TTBK1: variants seen among roughly 807,000 people sequenced by gnomAD.
TTBK1 encodes the protein tau tubulin kinase 1, also known as tau-tubulin kinase 1.
A neutral mutation model predicts 108.5 loss-of-function variants in TTBK1; 34 were observed. The ratio of observed to expected loss-of-function variants is 0.31; its 90% confidence interval spans 0.24 to 0.42. TTBK1 has a LOEUF of 0.42. Among genes scored for constraint, TTBK1 ranks in the 10% least tolerant of loss-of-function variants. The pLI, the probability that TTBK1 is intolerant of heterozygous loss-of-function variation, is 1.00. For synonymous variants in TTBK1, 809 were observed against 795.1 expected (o/e 1.02, Z -0.29); for missense variants, 1,539 against 1,826.0 (o/e 0.84, Z 2.86).
At chr6:43,250,606 AC>A (rs948529235) in intron 2 of TTBK1, among the ~76,000 whole-genome samples, 5 of 152,100 alleles carry the variant, frequency 3.3e-5, no homozygotes, top group African/African-American at 1.2e-4. Flanking sequence ...TGATCCACCC[AC>A]TTCAGCCTCC....
intron 13 of TTBK1, chr6:43,271,853 T>A: frequency 2.0e-6 from 2 of 985,002 alleles, no homozygotes; most frequent in Non-Finnish European, 2.4e-6. Context: ...CAGATTTGGG[T>A]TCTAATACTT....
chr6:43,246,855 T>C, intron 2 of TTBK1, 87 bp downstream of exon 2: 2 of 1,020,882 alleles, frequency 2.0e-6, no homozygotes, highest in African/African-American at 1.6e-5. Context: ...TGCCCTCCGC[T>C]CCCCTACCCT....
chr6:43,284,895 T>C, intron 14 of TTBK1, 88 bp from the exon 15 acceptor site: 3 of 1,415,078 alleles, frequency 2.1e-6, no homozygotes, highest in Middle Eastern at 2.5e-4. Flanking sequence ...CGGACTCCAG[T>C]GCTCAGTGCC....
intron 13 of TTBK1, among the ~76,000 whole-genome samples, chr6:43,279,914 A>G (rs1350035964): frequency 1.3e-5 from 2 of 150,958 alleles, no homozygotes; most frequent in Non-Finnish European, 3.0e-5. Context: ...CGCCCAGCTA[A>G]TTTTTGTATT....
At chr6:43,264,575 A>C (rs1777628089) in intron 13 of TTBK1, among the ~76,000 whole-genome samples, 1 of 152,162 alleles carries the variant, frequency 6.6e-6, no homozygotes, top group Non-Finnish European at 1.5e-5. Context: ...GTGAGGGCAG[A>C]AGCTGAGAGG....
intron 13 of TTBK1, among the ~76,000 whole-genome samples, chr6:43,268,305 C>T (rs545325815): frequency 6.6e-6 from 1 of 152,208 alleles, no homozygotes; most frequent in Non-Finnish European, 1.5e-5. Flanking sequence ...GGGCCTTAGA[C>T]CCCTAACCCT....
In TTBK1 at chr6:43,253,996, G is replaced by A. The variant is rs1185087390; in HGVS notation, c.471+288G>A. The stretch of plus-strand genomic sequence containing the variant: ...CCTGACCTGACAGTTCTGGAACCTA[G>A]GAAGGTGAAGGGGCTGGGAAAGGAT... On this transcript the variant is annotated intron_variant, in intron 5 of 14. Transcript: ENST00000259750. The surrounding 1 kb of genome is among the most constrained non-coding windows in gnomAD (Gnocchi z 5.8). 6.6e-6 allele frequency among the ~76,000 whole-genome samples: 1 copy of A among 152,204 alleles called. No individual in the cohort carries two copies. The highest frequency in any genetic ancestry group is 2.4e-5 in the African/African-American group (1 of 41,454).
In TTBK1 at chr6:43,257,870, C is replaced by A; in HGVS notation, c.920C>A (p.Ala307Asp). 3.1e-6 allele frequency: 5 copies of A among 1,613,980 alleles called. No individual in the cohort carries two copies. The highest frequency in any genetic ancestry group is 4.2e-6 in the Non-Finnish European group (5 of 1,179,976). Residue 307 changes from alanine to aspartate, a missense_variant, in exon 10 of 15, where the codon GCC becomes GAC. By Grantham distance (126) the Ala-to-Asp change is moderately radical (BLOSUM62 -2). Coordinates refer to ENST00000259750, the MANE Select transcript of TTBK1 (RefSeq NM_032538.3). The surrounding 1 kb of genome is among the most constrained non-coding windows in gnomAD (Gnocchi z 4.5). Reference sequence around the variant, plus strand: ...GAGAGGGGCATTGCCGAGAATGAGGCCTTTGACTGGGAGAAGGCAGGCACC... The same window carrying A: ...GAGAGGGGCATTGCCGAGAATGAGGACTTTGACTGGGAGAAGGCAGGCACC... ...MKERGIAENEAFDWEKAGTDA... is the reference protein window; with the variant it reads ...MKERGIAENEDFDWEKAGTDA...
intron 13 of TTBK1, among the ~76,000 whole-genome samples, chr6:43,281,865 G>C (rs1778174068): frequency 1.3e-5 from 2 of 152,196 alleles, no homozygotes; most frequent in Admixed American, 1.3e-4. Flanking sequence ...GGTGGAGCTA[G>C]AGTGAAGGAG....
chr6:43,284,435 C>T lies in TTBK1; in HGVS notation c.3572+123C>T, dbSNP rs1356130955. On this transcript the variant is annotated intron_variant, in intron 14 of 14. Transcript: ENST00000259750. Reference sequence around the variant, plus strand: ...TCAGGAGGGACCCTCAGTGACACCTCCTGTCCAGCACCTCCCAACTGTGCT... The same window carrying T: ...TCAGGAGGGACCCTCAGTGACACCTTCTGTCCAGCACCTCCCAACTGTGCT... 2.3e-5 allele frequency: 32 copies of T among 1,414,762 alleles called. 1 individual carries two copies. The South Asian group carries it at 3.8e-4, about 17-fold the overall frequency. 87.6% of individuals were successfully genotyped at this position (1,414,762 alleles called of 1,614,324 possible).
At chr6:43,252,628 A>G (rs2150685122) in intron 2 of TTBK1, 111 bp from the exon 3 acceptor site, 2 of 1,317,646 alleles carry the variant, frequency 1.5e-6, no homozygotes, top group East Asian at 4.9e-5. Context: ...TCTCAAAAAA[A>G]AAAAAAGATA....
chr6:43,262,835 T>C lies in TTBK1; in HGVS notation c.1471T>C (p.Ser491Pro). The change falls in exon 13 of 15, where the codon TCT becomes CCT. Residue 491 changes from serine to proline, a missense_variant. Physicochemically the swap from Ser to Pro is moderately conservative, Grantham distance 74. Transcript: ENST00000259750. ...PGSPSRQACSSQPAQMLSVDT... is the reference protein window; with the variant it reads ...PGSPSRQACSPQPAQMLSVDT... ...CTCGCCCTCGCGCCAGGCCTGCTCCTCTCAGCCAGCCCAGATGCTGTCAGT... is the reference window on the plus strand; with the variant it reads ...CTCGCCCTCGCGCCAGGCCTGCTCCCCTCAGCCAGCCCAGATGCTGTCAGT... 1.2e-6 allele frequency: 2 copies of C among 1,600,698 alleles called. No individual in the cohort carries two copies. The highest frequency in any genetic ancestry group is 2.2e-5 in the South Asian group (2 of 90,160).
chr6:43,245,767 G>A (rs1452137733), intron 1 of TTBK1, among the ~76,000 whole-genome samples: 2 of 152,136 alleles, frequency 1.3e-5, no homozygotes, highest in African/African-American at 4.8e-5. Flanking sequence ...AGAAAGGTGT[G>A]GTCAGAGGCT....
chr6:43,253,428 G>A lies in TTBK1; in HGVS notation c.330+64G>A. 2 of 1,606,764 alleles carry A rather than the reference G, an allele frequency of 1.2e-6. No homozygotes were observed. Among genetic ancestry groups the A allele is most frequent in the East Asian group, 2.2e-5 (1 of 44,802 alleles). On this transcript the variant is annotated intron_variant, in intron 4 of 14. Transcript: ENST00000259750. This position sits in a 1 kb window ranked among gnomAD's most constrained non-coding sequence, Gnocchi z 5.8. ...AGCTTGGGCTGTGACTCCAGGGTAG[G>A]GGAAGGGAAGGTAGACTGTGGCCCT...
rs752207014 is a variant in TTBK1 at position 43,257,907 on chromosome 6, G to T, written c.957G>T (p.Leu319=). The change falls in exon 10 of 15, where the codon CTG becomes CTT. Residue 319 remains leucine, a synonymous_variant. Transcript: ENST00000259750. This position sits in a 1 kb window ranked among gnomAD's most constrained non-coding sequence, Gnocchi z 4.5. ...DWEKAGTDAL[L]STSTSTPPQQ... ...AGAAGGCAGGCACCGATGCCCTCCTGTCCACGAGCACCTCTACCCCGCCCC... is the reference window on the plus strand; with the variant it reads ...AGAAGGCAGGCACCGATGCCCTCCTTTCCACGAGCACCTCTACCCCGCCCC... 6.2e-7 allele frequency: 1 copy of T among 1,614,020 alleles called. No individual in the cohort carries two copies. The highest frequency in any genetic ancestry group is 2.2e-5 in the East Asian group (1 of 44,862).
Position 43,273,920 on chromosome 6 carries a change from G to A in TTBK1, c.1987-8807G>A, listed in dbSNP as rs1250928350. ...GTCCAGGGCTGCAGCACTCAAAGGC[G>A]ACAGTGTTCTTGCCCAGGAACTCGA... On this transcript the variant is annotated intron_variant, in intron 13 of 14. Transcript: ENST00000259750. This position sits in a 1 kb window ranked among gnomAD's most constrained non-coding sequence, Gnocchi z 4.2. 2.0e-5 allele frequency among the ~76,000 whole-genome samples: 3 copies of A among 152,286 alleles called. No homozygotes were observed. The East Asian group carries it at 5.8e-4, about 29-fold the overall frequency.
chr6:43,284,369 G>GGAGGGGCTTCTCCCAGAACCAAGGT, intron 14 of TTBK1, 57 bp downstream of exon 14: 1 of 1,479,750 alleles, frequency 6.8e-7, no homozygotes, highest in South Asian at 1.4e-5. Flanking sequence ...GCCTCCACCA[G>GGAGGGGCTTCTCCCAGAACCAAGGT]GAGGGGCTTC....
chr6:43,253,696 T>G lies in TTBK1; in HGVS notation c.459T>G (p.Arg153=). Residue 153 remains arginine, a synonymous_variant, in exon 5 of 15, where the codon CGT becomes CGG. Transcript: ENST00000259750. The surrounding 1 kb of genome is among the most constrained non-coding windows in gnomAD (Gnocchi z 5.8). ...EAIHSVGFLH[R]DIKPSNFAMG... ...TCCACTCTGTGGGCTTCCTGCACCG[T>G]GACATCAAGCCTGTGAGTACTGCCC... 1 of 1,613,198 alleles carries G rather than the reference T, an allele frequency of 6.2e-7. No homozygotes were observed. Among genetic ancestry groups the G allele is most frequent in the Non-Finnish European group, 8.5e-7 (1 of 1,179,556 alleles).
At chr6:43,272,896 CG>C (rs79227166) in intron 13 of TTBK1, among the ~76,000 whole-genome samples, 7,228 of 152,172 alleles carry the variant, frequency 0.047, 416 homozygotes, top group East Asian at 0.33. Flanking sequence ...GTAGCCTCCT[CG>C]GGGTCAGCTT....
Sources: allele counts gnomAD v4.1 joint callset (sites outside exome capture counted in the v4.1 genomes callset), GRCh38; gene constraint gnomAD v4.1.1; non-coding constraint Gnocchi (gnomAD v3.1); transcripts MANE v1.5; gene names NCBI Gene and HGNC (gene_info 2026-07-23, HGNC 2026-07-21).